Variants in NEBL observed in about 807,000 individuals in gnomAD.
NEBL encodes the protein nebulette, also known as LIM and SH3 protein 2.
In NEBL, 122 loss-of-function variants were observed where a neutral mutation model predicts 140.2. The observed-to-expected ratio is 0.87, with a 90% CI of 0.75 to 1.01. NEBL has a LOEUF of 1.01. Among genes scored for constraint, NEBL ranks in the 50% least tolerant of loss-of-function variants. The pLI is 0.00. For missense variants in NEBL, 1,365 were observed against 1,231.3 expected (o/e 1.11, Z -1.62); for synonymous variants, 436 against 398.9 (o/e 1.09, Z -1.11).
chr10:21,038,258 T>C (rs1834099244), intron 2 of NEBL, among the ~76,000 whole-genome samples: 2 of 152,348 alleles, frequency 1.3e-5, no homozygotes, highest in East Asian at 1.9e-4. Flanking sequence ...GTTTGTTACA[T>C]AGGTATATAT....
intron 2 of NEBL, among the ~76,000 whole-genome samples, chr10:21,118,390 T>G (rs112335697): frequency 6.6e-6 from 1 of 152,298 alleles, no homozygotes; most frequent in African/African-American, 2.4e-5. Flanking sequence ...ATTGACTCCA[T>G]TTTACATTTA....
intron 2 of NEBL, among the ~76,000 whole-genome samples, chr10:21,083,540 T>C (rs978121862): frequency 1.3e-5 from 2 of 152,126 alleles, no homozygotes; most frequent in African/African-American, 4.8e-5. Flanking sequence ...CATCAGCCAC[T>C]ATATACCGCT....
intron 14 of NEBL, 81 bp from the exon 15 acceptor site, chr10:20,831,664 A>T: frequency 1.1e-6 from 1 of 872,204 alleles, no homozygotes; most frequent in South Asian, 1.4e-5. Flanking sequence ...TTTTGACATT[A>T]AGACCATGTC....
intron 5 of NEBL, among the ~76,000 whole-genome samples, chr10:20,877,134 G>T (rs1056934498): frequency 5.9e-5 from 9 of 152,146 alleles, no homozygotes; most frequent in Non-Finnish European, 1.3e-4. Context: ...AAAAGTAGAA[G>T]GAGGACGAAA....
chr10:21,149,957 G>A (rs1840073829), intron 2 of NEBL, among the ~76,000 whole-genome samples: 1 of 152,116 alleles, frequency 6.6e-6, no homozygotes, highest in East Asian at 1.9e-4. Context: ...ATTGCTGTGG[G>A]GTAAAAGCAG....
chr10:21,052,583 C>T (rs777966065), intron 2 of NEBL, among the ~76,000 whole-genome samples: 10 of 152,098 alleles, frequency 6.6e-5, no homozygotes, highest in Non-Finnish European at 1.0e-4. Context: ...GATTGGTCAG[C>T]GGGGTATAGA....
chr10:20,846,507 A>G (rs940741157), intron 11 of NEBL, among the ~76,000 whole-genome samples: 1 of 152,206 alleles, frequency 6.6e-6, no homozygotes, highest in African/African-American at 2.4e-5. Context: ...AAGGAGAGAA[A>G]CAAAGGATGT....
chr10:21,231,448 G>A (rs1437546560), intron 3 of NEBL, among the ~76,000 whole-genome samples: 1 of 152,120 alleles, frequency 6.6e-6, no homozygotes, highest in African/African-American at 2.4e-5. Flanking sequence ...GCTGAGGCAG[G>A]GGAATCGCTT....
intron 4 of NEBL, among the ~76,000 whole-genome samples, chr10:20,918,388 C>T (rs959780775): frequency 8.6e-5 from 13 of 151,568 alleles, no homozygotes; most frequent in African/African-American, 2.4e-4. Flanking sequence ...CACTGTTCAC[C>T]GAGTTTGTGA....
At chr10:21,095,591 A>G (rs1292157022) in intron 2 of NEBL, among the ~76,000 whole-genome samples, 1 of 152,220 alleles carries the variant, frequency 6.6e-6, no homozygotes, top group African/African-American at 2.4e-5. Flanking sequence ...TTTTAATGTA[A>G]GTAGAGTCCA....
chr10:21,023,167 A>G (rs967823214), intron 2 of NEBL, among the ~76,000 whole-genome samples: 5 of 152,216 alleles, frequency 3.3e-5, no homozygotes, highest in Non-Finnish European at 7.3e-5. Context: ...TTGTTTTTCA[A>G]AATGTATTCT....
chr10:21,280,619 C>CTTTTTTTTTTTTTTTTTTTTTTTTCT (rs554320752), intron 1 of NEBL, among the ~76,000 whole-genome samples: 1 of 98,134 alleles, frequency 1.0e-5, no homozygotes, highest in African/African-American at 4.0e-5. Flanking sequence ...TTTCTTTTTC[C>CTTTTTTTTTTTTTTTTTTTTTTTTCT]TTTTTTTTTT....
chr10:20,818,018 A>G (rs996869415), intron 20 of NEBL, among the ~76,000 whole-genome samples: 15 of 152,282 alleles, frequency 9.9e-5, no homozygotes, highest in African/African-American at 3.6e-4. Flanking sequence ...ATTACAAGAG[A>G]ACTCTTGTGA....
intron 2 of NEBL, among the ~76,000 whole-genome samples, chr10:21,120,512 ATACTC>A (rs996794530): frequency 1.4e-4 from 20 of 147,056 alleles, no homozygotes; most frequent in Non-Finnish European, 3.0e-4. Context: ...TACTTGGAGA[ATACTC>A]TATTCTTCAA....
At chr10:20,914,874 T>C (rs1848471798) in intron 4 of NEBL, among the ~76,000 whole-genome samples, 1 of 152,150 alleles carries the variant, frequency 6.6e-6, no homozygotes, top group Non-Finnish European at 1.5e-5. Flanking sequence ...GTTTTGTTTT[T>C]TGAGGCGGAG....
intron 2 of NEBL, among the ~76,000 whole-genome samples, chr10:21,156,746 C>A (rs779073676): frequency 1.6e-4 from 24 of 152,052 alleles, no homozygotes; most frequent in Non-Finnish European, 3.1e-4. Context: ...ATCTGAGAAA[C>A]TTTCATGAGA....
chr10:21,086,399 T>C (rs1836631781), intron 2 of NEBL, among the ~76,000 whole-genome samples: 1 of 152,190 alleles, frequency 6.6e-6, no homozygotes, highest in East Asian at 1.9e-4. Flanking sequence ...CCTATAGGTT[T>C]CCTCTCAAAC....
intron 22 of NEBL, among the ~76,000 whole-genome samples, chr10:20,814,853 A>T (rs1838565922): frequency 6.6e-6 from 1 of 152,220 alleles, no homozygotes; most frequent in South Asian, 2.1e-4. Context: ...CACAACTTAA[A>T]GGTAATTTAT....
intron 2 of NEBL, chr10:21,029,055 C>T (rs769349927): frequency 2.0e-6 from 2 of 1,001,560 alleles, no homozygotes; most frequent in Non-Finnish European, 3.1e-6. Context: ...CCCTAACAGA[C>T]TTTCTAGCTG....
Sources: allele counts gnomAD v4.1 joint callset (sites outside exome capture counted in the v4.1 genomes callset), GRCh38; gene constraint gnomAD v4.1.1; transcripts MANE v1.5; gene names NCBI Gene and HGNC (gene_info 2026-07-23, HGNC 2026-07-21).